Variants in CDH23 observed in about 807,000 individuals in gnomAD.
The protein encoded by CDH23 is cadherin related 23.
CDH23 carries 189 observed loss-of-function variants against 317.1 expected under a neutral mutation model. That is an observed-to-expected ratio of 0.60 (90% CI 0.53 to 0.67). The LOEUF is 0.67. Ranked by LOEUF, CDH23 falls within the 30% of genes least tolerant of loss-of-function variation. The probability of loss-of-function intolerance (pLI) is 0.00; values close to 1 mark genes in which losing one functional copy is unlikely to be tolerated. For missense variants in CDH23, 4,401 were observed against 4,592.4 expected, an observed-to-expected ratio of 0.96 and a Z score of 1.20; for synonymous variants, 1,839 against 1,876.8, an observed-to-expected ratio of 0.98 and a Z score of 0.52.
intron 2 of CDH23, among the ~76,000 whole-genome samples, chr10:71,442,627 CCTT>C (rs1180353708): frequency 3.3e-5 from 5 of 152,208 alleles, no homozygotes; most frequent in Non-Finnish European, 5.9e-5. Context: ...TAGCAATTCT[CCTT>C]CTTCATCCGT....
At chr10:71,458,701 C>G (rs1370163750) in intron 3 of CDH23, among the ~76,000 whole-genome samples, 1 of 152,198 alleles carries the variant, frequency 6.6e-6, no homozygotes, top group Admixed American at 6.5e-5. Flanking sequence ...AATGATCACA[C>G]TGTATTTACT....
rs1841465056 is a variant in CDH23, at chr10:71,798,476, G to A, written c.6952G>A (p.Val2318Met). ...GATPGTTLIA[V>M]AAVDPDKGLN... Reference sequence around the variant, plus strand: ...CACCCCTGGGACCACACTCATTGCTGTGGCAGCCGTGGACCCTGACAAGGG... The same window carrying A: ...CACCCCTGGGACCACACTCATTGCTATGGCAGCCGTGGACCCTGACAAGGG... The change falls in exon 50 of 70, where the codon GTG becomes ATG. Residue 2318 changes from valine to methionine, a missense_variant. Physicochemically the swap from Val to Met is conservative, Grantham distance 21 (BLOSUM62 1). Coordinates refer to ENST00000224721, the MANE Select transcript of CDH23 (RefSeq NM_022124.6). 2 of 1,613,904 alleles carry A rather than the reference G, an allele frequency of 1.2e-6. No individual in the cohort carries two copies. Among genetic ancestry groups the A allele is most frequent in the Non-Finnish European group, 1.7e-6 (2 of 1,179,884 alleles).
At chr10:71,645,390 C>T (rs1398082332) in intron 12 of CDH23, among the ~76,000 whole-genome samples, 8 of 152,228 alleles carry the variant, frequency 5.3e-5, no homozygotes, top group African/African-American at 1.7e-4. Flanking sequence ...TCCCTTGTGT[C>T]CTCTCCTGGC....
At chr10:71,414,449 G>A (rs2131929619) in intron 1 of CDH23, among the ~76,000 whole-genome samples, 1 of 152,172 alleles carries the variant, frequency 6.6e-6, no homozygotes, top group East Asian at 1.9e-4. Context: ...CTGCTAATGT[G>A]GTAAATTACA....
intron 18 of CDH23, among the ~76,000 whole-genome samples, chr10:71,683,323 A>C (rs1276657193): frequency 2.0e-5 from 3 of 152,240 alleles, no homozygotes; most frequent in Admixed American, 6.5e-5. Context: ...CGGGAGGATT[A>C]GATCAGGTTG....
At position 71,809,794 on chromosome 10, in the gene CDH23, G is replaced by A. The variant is rs367947003; in HGVS notation, c.8723-26G>A. On this transcript the variant is annotated intron_variant, in intron 60 of 69. Transcript: ENST00000224721. ...ATTCGGGGCACTGAGTCTCTGAGCC[G>A]TACCCCGCCTTTGGGCTTCCTGCAG... 48 of 1,604,160 alleles carry A rather than the reference G, an allele frequency of 3.0e-5. No homozygotes were observed. The African/African-American group carries it at 3.7e-4, about 12-fold the overall frequency.
At chr10:71,705,517 T>G (rs1212184447) in intron 25 of CDH23, among the ~76,000 whole-genome samples, 5 of 152,104 alleles carry the variant, frequency 3.3e-5, no homozygotes, top group Admixed American at 3.3e-4. Flanking sequence ...AGTTTTTGTT[T>G]GGGAGACATA....
intron 11 of CDH23, among the ~76,000 whole-genome samples, chr10:71,628,540 C>A (rs542456228): frequency 6.6e-6 from 1 of 152,262 alleles, no homozygotes; most frequent in South Asian, 2.1e-4. Flanking sequence ...GCTCTGTCGC[C>A]CATGCTGGAG....
chr10:71,761,071 G>T (rs3747868), intron 38 of CDH23: 169,892 of 748,012 alleles, frequency 0.23, 21,024 homozygotes, highest in Non-Finnish European at 0.26. Flanking sequence ...CTGCACACGT[G>T]TGCACCCACA....
chr10:71,722,387 C>T (rs1866599605), intron 28 of CDH23, among the ~76,000 whole-genome samples: 1 of 152,224 alleles, frequency 6.6e-6, no homozygotes, highest in South Asian at 2.1e-4. Flanking sequence ...CAGATGGGCT[C>T]CTGGAATAAC....
At chr10:71,667,921 C>G (rs966804507) in intron 14 of CDH23, among the ~76,000 whole-genome samples, 2 of 151,976 alleles carry the variant, frequency 1.3e-5, no homozygotes, top group African/African-American at 4.8e-5. Context: ...TGGGAAAAGC[C>G]CCAGGTGGGT....
At position 71,702,637 on chromosome 10, in the gene CDH23, C is replaced by G; in HGVS notation, c.2676C>G (p.Asn892Lys). 1 of 1,613,990 alleles carries G rather than the reference C, an allele frequency of 6.2e-7. No individual in the cohort carries two copies. Among genetic ancestry groups the G allele is most frequent in the Non-Finnish European group, 8.5e-7 (1 of 1,179,896 alleles). Residue 892 changes from asparagine (N) to lysine (K), a missense_variant, in exon 24 of 70, where the codon AAC becomes AAG. Asn to Lys is a moderately conservative substitution (Grantham distance 94). Transcript: ENST00000224721. The stretch of plus-strand genomic sequence containing the variant: ...ATGACAATGACCCCACCTTTCAGAA[C>G]CTGCCTTTTGTGGCCGAGGTGCTTG... Reference protein sequence around the residue: ...DLNDNDPTFQNLPFVAEVLEG... With the variant: ...DLNDNDPTFQKLPFVAEVLEG...
intron 3 of CDH23, among the ~76,000 whole-genome samples, chr10:71,469,541 G>A (rs530832030): frequency 6.6e-6 from 1 of 152,024 alleles, no homozygotes; most frequent in Non-Finnish European, 1.5e-5. Context: ...TTCACTCATT[G>A]ATAGACATTT....
At chr10:71,427,335 G>A (rs1849151397) in intron 1 of CDH23, among the ~76,000 whole-genome samples, 1 of 152,044 alleles carries the variant, frequency 6.6e-6, no homozygotes, top group Non-Finnish European at 1.5e-5. Flanking sequence ...CCAGCCCCTG[G>A]CAACCACAGA....
At chr10:71,688,326 G>A (rs569966629) in intron 19 of CDH23, among the ~76,000 whole-genome samples, 2 of 152,394 alleles carry the variant, frequency 1.3e-5, no homozygotes, top group East Asian at 1.9e-4. Context: ...AGGAACTGCT[G>A]CAGTGGCTGA....
At chr10:71,444,986 G>A (rs981363059) in intron 2 of CDH23, among the ~76,000 whole-genome samples, 1 of 152,172 alleles carries the variant, frequency 6.6e-6, no homozygotes, top group Admixed American at 6.5e-5. Flanking sequence ...GAAGCTGGGG[G>A]ACAGGTGGGG....
chr10:71,581,246 A>G (rs796944764), intron 9 of CDH23, among the ~76,000 whole-genome samples: 20 of 152,366 alleles, frequency 1.3e-4, no homozygotes, highest in African/African-American at 4.8e-4. Context: ...CTGCTCAGGA[A>G]CCATTTTCCT....
chr10:71,740,776 G>T, intron 36 of CDH23, 46 bp from the exon 37 acceptor site: 2 of 1,611,498 alleles, frequency 1.2e-6, no homozygotes, highest in Non-Finnish European at 1.7e-6. Flanking sequence ...TCCCAATCCT[G>T]CCCGCCACGC....
At chr10:71,677,382 G>T in intron 15 of CDH23, 74 bp from the exon 16 acceptor site, 2 of 1,228,894 alleles carry the variant, frequency 1.6e-6, no homozygotes, top group South Asian at 2.9e-5. Flanking sequence ...GACAGGCTGG[G>T]AAATGCCGGC....
Sources: allele counts gnomAD v4.1 joint callset (sites outside exome capture counted in the v4.1 genomes callset), GRCh38; gene constraint gnomAD v4.1.1; transcripts MANE v1.5; gene names NCBI Gene and HGNC (gene_info 2026-07-23, HGNC 2026-07-21).